PCDHGA12: variants seen among roughly 807,000 people sequenced by gnomAD.
PCDHGA12 encodes the protein protocadherin gamma subfamily A, 12.
Under a neutral mutation model 61.1 loss-of-function variants are expected in PCDHGA12, and 43 were observed. The observed-to-expected ratio is 0.70, with a 90% CI of 0.55 to 0.91. The LOEUF (loss-of-function observed/expected upper bound fraction) is 0.91, where lower values mean the gene tolerates loss of function less well. PCDHGA12 is among the 40% of genes least tolerant of loss of function. PCDHGA12 has a pLI of 0.00. For missense variants in PCDHGA12, 1,236 were observed against 1,227.7 expected (o/e 1.01, Z -0.10); for synonymous variants, 520 against 542.9 (o/e 0.96, Z 0.59).
chr5:141,432,538 G>C lies in PCDHGA12; in HGVS notation c.1779G>C (p.Ala593=), dbSNP rs200601557. The C allele has an allele frequency of 2.5e-5, 40 of 1,614,026 alleles. No individual in the cohort carries two copies. The highest frequency in any genetic ancestry group is 1.5e-4 in the Admixed American group (9 of 60,032). The change falls in exon 1 of 4, where the codon GCG becomes GCC. Residue 593 remains alanine, a synonymous_variant. Coordinates refer to ENST00000252085, the MANE Select transcript of PCDHGA12 (RefSeq NM_003735.3). This position sits in a 1 kb window ranked among gnomAD's most constrained non-coding sequence, Gnocchi z 6.0. ...GCTACCTGGTGACCAAGGTGGTGGC[G>C]GTGGACAGAGACTCCGGCCAGAACG... The part of the protein sequence containing the change: ...EPGYLVTKVV[A]VDRDSGQNAW...
chr5:141,438,615 TATATATATATATATATATATAC>T (rs1275224820), intron 1 of PCDHGA12, among the ~76,000 whole-genome samples: 95 of 35,914 alleles, frequency 2.6e-3, no homozygotes, highest in East Asian at 8.4e-3. Flanking sequence ...TATATATATA[TATATATATATATATATATATAC>T]ACACACACAC....
Position 141,486,239 on chromosome 5 carries a change from C to G in PCDHGA12, c.2425-8568C>G, listed in dbSNP as rs751510109. On this transcript the variant is annotated intron_variant, in intron 1 of 3. Transcript: ENST00000252085. The surrounding 1 kb of genome is among the most constrained non-coding windows in gnomAD (Gnocchi z 5.0). ...CCCTTACATCACAGTGACCTCAGAG[C>G]TTGGAACCCTCCCCGAGAGTGCAGA... 6.2e-7 allele frequency: 1 copy of G among 1,614,160 alleles called. No individual in the cohort carries two copies. Among genetic ancestry groups the G allele is most frequent in the Admixed American group, 1.7e-5 (1 of 60,020 alleles).
At chr5:141,497,245 G>T (rs779763574) in intron 2 of PCDHGA12, among the ~76,000 whole-genome samples, 2 of 152,138 alleles carry the variant, frequency 1.3e-5, no homozygotes, top group Non-Finnish European at 2.9e-5. Flanking sequence ...TCTAGGAGGA[G>T]GTGACATTGA....
At chr5:141,446,718 C>T (rs1279970040) in intron 1 of PCDHGA12, among the ~76,000 whole-genome samples, 4 of 152,174 alleles carry the variant, frequency 2.6e-5, no homozygotes, top group South Asian at 2.1e-4. Flanking sequence ...CTGCCCGCCT[C>T]GGCCTCCCAA....
At chr5:141,468,191 G>A (rs1420885521) in intron 1 of PCDHGA12, among the ~76,000 whole-genome samples, 1 of 151,860 alleles carries the variant, frequency 6.6e-6, no homozygotes, top group African/African-American at 2.4e-5. Flanking sequence ...TGGGCATGGT[G>A]GCGGGTGCCT....
intron 1 of PCDHGA12, among the ~76,000 whole-genome samples, chr5:141,465,407 A>G (rs1019401245): frequency 6.6e-6 from 1 of 152,218 alleles, no homozygotes; most frequent in African/African-American, 2.4e-5. Flanking sequence ...AGAAGAAGCC[A>G]AATCAGCACT....
chr5:141,492,084 G>A (rs979755390), intron 1 of PCDHGA12, among the ~76,000 whole-genome samples: 1 of 152,236 alleles, frequency 6.6e-6, no homozygotes, highest in Non-Finnish European at 1.5e-5. Flanking sequence ...GCTCCGGCAC[G>A]CTTCGCCGGT....
chr5:141,489,405 G>A lies in PCDHGA12; in HGVS notation c.2425-5402G>A. ...ATGTTGCTCAGGATCTGGGCTTAAA[G>A]ATGACAGATCTGTTGAGCCGGCGGC... On this transcript the variant is annotated intron_variant, in intron 1 of 3. Transcript: ENST00000252085. This position sits in a 1 kb window ranked among gnomAD's most constrained non-coding sequence, Gnocchi z 4.5. The A allele has an allele frequency of 1.2e-6, 2 of 1,614,204 alleles. No individual in the cohort carries two copies. The highest frequency in any genetic ancestry group is 2.2e-5 in the South Asian group (2 of 91,088).
Position 141,511,908 on chromosome 5 carries a change from A to T in PCDHGA12, c.*735A>T, listed in dbSNP as rs528200582. The T allele has an allele frequency of 4.5e-5, 7 of 156,536 alleles. No homozygotes were observed. The highest frequency in any genetic ancestry group is 1.9e-4 in the East Asian group (1 of 5,250). The allele number at this position is 156,536 out of a possible 1,614,324, so 9.7% of individuals were successfully genotyped here. A position where few individuals can be genotyped will look rare whatever the true frequency, so the allele number is the denominator to read the frequency against. On this transcript the variant is annotated 3_prime_UTR_variant, in exon 4 of 4. Transcript: ENST00000252085. ...GACTTCCCCCACCTCCTCCTCAAAC[A>T]AGAGACTCCACTGCATGTTCCAAGA...
chr5:141,444,561 GA>G (rs778707459), intron 1 of PCDHGA12, among the ~76,000 whole-genome samples: 17 of 152,098 alleles, frequency 1.1e-4, no homozygotes, highest in Non-Finnish European at 2.1e-4. Context: ...GCACTTATTT[GA>G]CACTTTTGAC....
At position 141,477,596 on chromosome 5, in the gene PCDHGA12, T is replaced by G. The variant is rs1364779381; in HGVS notation, c.2425-17211T>G. ...CGCCCCGCAGAATGCTCGGCTTTCTTTCTTTCTCTTGGAGCAAGGAGCTGA... is the reference window on the plus strand; with the variant it reads ...CGCCCCGCAGAATGCTCGGCTTTCTGTCTTTCTCTTGGAGCAAGGAGCTGA... On this transcript the variant is annotated intron_variant, in intron 1 of 3. Transcript: ENST00000252085. This position sits in a 1 kb window ranked among gnomAD's most constrained non-coding sequence, Gnocchi z 4.9. The G allele has an allele frequency of 6.2e-7, 1 of 1,614,184 alleles. No individual in the cohort carries two copies. The highest frequency in any genetic ancestry group is 1.1e-5 in the South Asian group (1 of 91,086).
At chr5:141,479,084 G>A (rs749298402) in intron 1 of PCDHGA12, among the ~76,000 whole-genome samples, 19 of 152,016 alleles carry the variant, frequency 1.2e-4, no homozygotes, top group Non-Finnish European at 1.9e-4. Flanking sequence ...GAAATTCCAG[G>A]CATCCTTTAA....
At chr5:141,433,818 C>A (rs1286718725) in intron 1 of PCDHGA12, among the ~76,000 whole-genome samples, 7 of 133,614 alleles carry the variant, frequency 5.2e-5, no homozygotes, top group African/African-American at 5.8e-5. Flanking sequence ...GCCTGGGCAA[C>A]AAGAGTGAAA....
Position 141,430,933 on chromosome 5 carries a change from G to C in PCDHGA12, c.174G>C (p.Glu58Asp), listed in dbSNP as rs2097327058. 6.2e-7 allele frequency: 1 copy of C among 1,607,608 alleles called. No individual in the cohort carries two copies. The highest frequency in any genetic ancestry group is 2.2e-5 in the East Asian group (1 of 44,846). The change falls in exon 1 of 4, where the codon GAG becomes GAC. Residue 58 changes from glutamate to aspartate, a missense_variant. Transcript: ENST00000252085. ...GGGACCTGGGGCTGGAGCCCCGGGA[G>C]CTCGCGGAGCGCGGAGTCCGCATCA... ...ISRDLGLEPR[E>D]LAERGVRIIP...
intron 1 of PCDHGA12, among the ~76,000 whole-genome samples, chr5:141,467,950 C>T (rs780236016): frequency 2.6e-5 from 4 of 152,290 alleles, no homozygotes; most frequent in Admixed American, 6.5e-5. Context: ...TGAGCCACCA[C>T]ACCCGGCTGC....
intron 3 of PCDHGA12, among the ~76,000 whole-genome samples, chr5:141,510,203 G>A (rs1164886289): frequency 6.6e-6 from 1 of 151,680 alleles, no homozygotes; most frequent in Non-Finnish European, 1.5e-5. Flanking sequence ...AGCCCAGGAG[G>A]CAGAGGTTGC....
intron 1 of PCDHGA12, among the ~76,000 whole-genome samples, chr5:141,465,839 G>A (rs1166392052): frequency 6.6e-6 from 1 of 151,400 alleles, no homozygotes; most frequent in Non-Finnish European, 1.5e-5. Context: ...AATTTCAACT[G>A]AGGCTGGGCC....
intron 1 of PCDHGA12, among the ~76,000 whole-genome samples, chr5:141,434,767 C>T (rs2097715264): frequency 6.6e-6 from 1 of 151,182 alleles, no homozygotes. Flanking sequence ...CCACTTCACA[C>T]TTCTAAAAAA....
chr5:141,497,538 AC>A lies in PCDHGA12; in HGVS notation c.2483+2675del, dbSNP rs1247704872. Among the ~76,000 whole-genome samples, 601 of 142,636 alleles carry A rather than the reference AC, an allele frequency of 4.2e-3. 3 individuals are homozygous for A. Among genetic ancestry groups the A allele is most frequent in the African/African-American group, 0.013 (497 of 38,408 alleles). The allele number at this position is 142,636 out of a possible 152,430, so 93.6% of individuals were successfully genotyped here. On this transcript the variant is annotated intron_variant, in intron 2 of 3. Coordinates refer to ENST00000252085, the MANE Select transcript of PCDHGA12 (RefSeq NM_003735.3). ...AGTTAACTTGTGGAGGATGCAACAA[AC>A]CTTTTTTTTTTTTTTTTTTAGACAG...
Sources: gnomAD v4.1 joint callset for allele counts (sites outside exome capture counted in the v4.1 genomes callset) on GRCh38, gnomAD v4.1.1 for gene constraint, Gnocchi (gnomAD v3.1) non-coding constraint, MANE v1.5 for transcripts, NCBI Gene and HGNC (gene_info 2026-07-23, HGNC 2026-07-21) for gene names.